CACNA1A: variants seen among roughly 807,000 people sequenced by gnomAD.
The protein encoded by CACNA1A is calcium voltage-gated channel subunit alpha1 A, also known as voltage-dependent P/Q-type calcium channel subunit alpha-1A.
CACNA1A carries 57 observed loss-of-function variants against 262.4 expected under a neutral mutation model. That is an observed-to-expected ratio of 0.22 (90% CI 0.18 to 0.27). CACNA1A has a LOEUF of 0.27. Ranked by LOEUF, CACNA1A falls within the 10% of genes least tolerant of loss-of-function variation. The pLI, the probability that CACNA1A is intolerant of heterozygous loss-of-function variation, is 1.00. For synonymous variants in CACNA1A, 1,431 were observed against 1,419.3 expected (o/e 1.01, Z -0.18); for missense variants, 2,526 against 3,562.8 (o/e 0.71, Z 7.41).
intron 1 of CACNA1A, among the ~76,000 whole-genome samples, chr19:13,457,288 A>C (rs1307657552): frequency 6.6e-6 from 1 of 151,990 alleles, no homozygotes; most frequent in Non-Finnish European, 1.5e-5. Context: ...CAACAAAAAA[A>C]CACCAGTGCA....
At chr19:13,490,899 A>C (rs933174101) in intron 1 of CACNA1A, among the ~76,000 whole-genome samples, 5 of 135,400 alleles carry the variant, frequency 3.7e-5, no homozygotes, top group Admixed American at 1.4e-4. Flanking sequence ...GAAAGGAGTA[A>C]GGAAGGAAGA....
Position 13,506,197 on chromosome 19 carries a change from C to A in CACNA1A, c.28G>T (p.Ala10Ser), listed in dbSNP as rs1326483165. 5.3e-6 allele frequency: 8 copies of A among 1,497,800 alleles called. No homozygotes were observed. The highest frequency in any genetic ancestry group is 7.1e-6 in the Non-Finnish European group (8 of 1,128,950). 92.8% of individuals were successfully genotyped at this position (1,497,800 alleles called of 1,614,324 possible). The change falls in exon 1 of 47, where the codon GCC becomes TCC. Residue 10 changes from alanine (A) to serine (S), a missense_variant. Physicochemically the swap from Ala to Ser is moderately conservative, Grantham distance 99. This residue lies in a region of CACNA1A where 65 missense variants were observed against 75.6 expected (regional missense o/e 0.86). Coordinates refer to ENST00000360228, the MANE Select transcript of CACNA1A (RefSeq NM_001127222.2). ...CCGGAGCCTCCTCCCCCGTAGCGGG[C>A]CGGCATCTCGTCTCCGAAGCGGGCC... MARFGDEMP[A>S]RYGGGGSGAA...
chr19:13,346,645 TATATATATATATATATATATA>T (rs1320087664), intron 6 of CACNA1A, among the ~76,000 whole-genome samples: 1,282 of 7,942 alleles, frequency 0.16, 51 homozygotes, highest in East Asian at 0.28. Context: ...TATATATATA[TATATATATATATATATATATA>T]TTTTTTTTTT....
rs371335015 is a variant in CACNA1A at position 13,259,553 on chromosome 19, G to C, written c.4388+11C>G. On this transcript the variant is annotated intron_variant, in intron 27 of 46. Coordinates refer to ENST00000360228, the MANE Select transcript of CACNA1A (RefSeq NM_001127222.2). Reference sequence around the variant, plus strand: ...GCTCCTCCTGGATAGATTTCCAGTCGGGCCACTTACTGTGGCCAGCCTTCT... The same window carrying C: ...GCTCCTCCTGGATAGATTTCCAGTCCGGCCACTTACTGTGGCCAGCCTTCT... 7.5e-6 allele frequency: 12 copies of C among 1,596,342 alleles called. No individual in the cohort carries two copies. Among genetic ancestry groups the C allele is most frequent in the Non-Finnish European group, 8.5e-6 (10 of 1,170,426 alleles).
At chr19:13,505,613 G>A (rs927443994) in intron 1 of CACNA1A, among the ~76,000 whole-genome samples, 1 of 151,924 alleles carries the variant, frequency 6.6e-6, no homozygotes, top group Non-Finnish European at 1.5e-5. Flanking sequence ...GACTTGGCTC[G>A]AAAGCCCCCA....
At chr19:13,478,182 C>G (rs1020322144) in intron 1 of CACNA1A, among the ~76,000 whole-genome samples, 2 of 152,104 alleles carry the variant, frequency 1.3e-5, no homozygotes, top group South Asian at 4.1e-4. Context: ...CCCGCCCCCA[C>G]AAAATAAACA....
At chr19:13,419,921 A>T (rs2060288860) in intron 3 of CACNA1A, among the ~76,000 whole-genome samples, 1 of 151,842 alleles carries the variant, frequency 6.6e-6, no homozygotes, top group Non-Finnish European at 1.5e-5. Flanking sequence ...CCCTGTTTCT[A>T]TTAAAAATAC....
At chr19:13,409,619 C>T (rs546452706) in intron 3 of CACNA1A, among the ~76,000 whole-genome samples, 1 of 152,246 alleles carries the variant, frequency 6.6e-6, no homozygotes, top group African/African-American at 2.4e-5. Context: ...GCTCTTGGCT[C>T]ACTGCAACCT....
At chr19:13,435,565 C>T (rs1568642061) in intron 3 of CACNA1A, among the ~76,000 whole-genome samples, 1 of 152,024 alleles carries the variant, frequency 6.6e-6, no homozygotes. Flanking sequence ...TCCTCATTTT[C>T]CCAGATGTAC....
chr19:13,308,224 G>A lies in CACNA1A; in HGVS notation c.1809C>T (p.Val603=), dbSNP rs560241650. Residue 603 remains valine, a synonymous_variant, in exon 14 of 47, where the codon GTC becomes GTT. Transcript: ENST00000360228. This position sits in a 1 kb window ranked among gnomAD's most constrained non-coding sequence, Gnocchi z 4.2. ...ACTTCATGGAGTTGAGGAGAGAGACGACCAGGTTTCTGAGAGATGCCCAGT... is the reference window on the plus strand; with the variant it reads ...ACTTCATGGAGTTGAGGAGAGAGACAACCAGGTTTCTGAGAGATGCCCAGT... ...TKYWASLRNL[V]VSLLNSMKSI... is the part of the protein sequence containing the mutation. 12 of 1,613,560 alleles carry A rather than the reference G, an allele frequency of 7.4e-6. No individual in the cohort carries two copies. The highest frequency in any genetic ancestry group is 2.2e-5 in the East Asian group (1 of 44,892).
At chr19:13,282,242 G>A (rs1446442096) in intron 22 of CACNA1A, among the ~76,000 whole-genome samples, 2 of 152,176 alleles carry the variant, frequency 1.3e-5, no homozygotes, top group African/African-American at 4.8e-5. Context: ...CGCCAGCTTT[G>A]CCTGGGTCCT....
At chr19:13,472,163 G>T (rs1978286318) in intron 1 of CACNA1A, among the ~76,000 whole-genome samples, 1 of 151,846 alleles carries the variant, frequency 6.6e-6, no homozygotes, top group African/African-American at 2.4e-5. Flanking sequence ...TAGTGATGGG[G>T]TCTCCCTATG....
chr19:13,477,806 A>C (rs1978736095), intron 1 of CACNA1A, among the ~76,000 whole-genome samples: 1 of 152,144 alleles, frequency 6.6e-6, no homozygotes, highest in Non-Finnish European at 1.5e-5. Context: ...TATGATCTGA[A>C]TGTTCTATAG....
chr19:13,426,167 CAA>C (rs1006125022), intron 3 of CACNA1A, among the ~76,000 whole-genome samples: 1 of 152,074 alleles, frequency 6.6e-6, no homozygotes, highest in African/African-American at 2.4e-5. Flanking sequence ...TCACAGGAAA[CAA>C]GAGACAGCAG....
At chr19:13,431,739 C>T (rs565160652) in intron 3 of CACNA1A, among the ~76,000 whole-genome samples, 39 of 152,104 alleles carry the variant, frequency 2.6e-4, no homozygotes, top group Non-Finnish European at 5.1e-4. Flanking sequence ...CGTGCATGAA[C>T]CTGGAGGACA....
chr19:13,359,844 A>C (rs1440732963), intron 5 of CACNA1A, 45 bp from the exon 6 acceptor site: 3 of 1,375,958 alleles, frequency 2.2e-6, no homozygotes, highest in Admixed American at 2.5e-5. Context: ...GAGCAGGGAA[A>C]ACCAGCTCTG....
At chr19:13,380,006 C>T (rs58404706) in intron 3 of CACNA1A, among the ~76,000 whole-genome samples, 1 of 138,026 alleles carries the variant, frequency 7.2e-6, no homozygotes, top group East Asian at 2.2e-4. Context: ...AATTTTATAG[C>T]CAGGTGCGGT....
At chr19:13,402,807 TATATAC>T (rs1205270957) in intron 3 of CACNA1A, among the ~76,000 whole-genome samples, 4 of 137,968 alleles carry the variant, frequency 2.9e-5, no homozygotes, top group African/African-American at 1.1e-4. Flanking sequence ...CACACATATA[TATATAC>T]ATATATACAC....
intron 6 of CACNA1A, among the ~76,000 whole-genome samples, chr19:13,351,261 A>G (rs954220374): frequency 2.6e-5 from 4 of 152,210 alleles, no homozygotes; most frequent in Non-Finnish European, 5.9e-5. Flanking sequence ...CATACTTTAA[A>G]TGGAATTCTT....
Sources: allele counts gnomAD v4.1 joint callset (sites outside exome capture counted in the v4.1 genomes callset), GRCh38; gene constraint gnomAD v4.1.1; regional missense constraint gnomAD v4.1.1; non-coding constraint Gnocchi (gnomAD v3.1); transcripts MANE v1.5; gene names NCBI Gene and HGNC (gene_info 2026-07-23, HGNC 2026-07-21).